MGMT: variants seen among roughly 807,000 people sequenced by gnomAD.
MGMT encodes the protein O-6-methylguanine-DNA methyltransferase.
Under a neutral mutation model 15.9 loss-of-function variants are expected in MGMT, and 14 were observed. The ratio of observed to expected loss-of-function variants is 0.88; its 90% CI spans 0.58 to 1.37. The LOEUF (loss-of-function observed/expected upper bound fraction) is 1.37. MGMT is among the 40% of genes most tolerant of loss of function. The pLI is 0.00. For missense variants in MGMT, 282 were observed against 268.1 expected, an observed-to-expected ratio of 1.05 and a Z score of -0.36; for synonymous variants, 130 against 118.2, an observed-to-expected ratio of 1.10 and a Z score of -0.65.
At chr10:129,723,942 C>T (rs1391638049) in intron 3 of MGMT, among the ~76,000 whole-genome samples, 2 of 152,204 alleles carry the variant, frequency 1.3e-5, no homozygotes, top group Admixed American at 1.3e-4. Context: ...AATGTTGTAA[C>T]CTCTTTGCAA....
intron 1 of MGMT, among the ~76,000 whole-genome samples, chr10:129,511,254 G>A (rs1845680457): frequency 6.7e-6 from 1 of 150,238 alleles, no homozygotes; most frequent in African/African-American, 2.5e-5. Context: ...CCGTATACCA[G>A]ACACAGGCAC....
chr10:129,534,939 A>G (rs1589854740), intron 1 of MGMT, among the ~76,000 whole-genome samples: 2 of 152,172 alleles, frequency 1.3e-5, no homozygotes, highest in Admixed American at 1.3e-4. Context: ...CTCTGTCACA[A>G]CTGCTCACCT....
chr10:129,718,428 C>T (rs536520869), intron 3 of MGMT, among the ~76,000 whole-genome samples: 3 of 152,206 alleles, frequency 2.0e-5, no homozygotes, highest in Non-Finnish European at 4.4e-5. Context: ...CACCCCCACC[C>T]TGGGCAAGTG....
intron 2 of MGMT, among the ~76,000 whole-genome samples, chr10:129,647,399 T>A (rs1452079680): frequency 6.6e-6 from 1 of 152,166 alleles, no homozygotes; most frequent in Non-Finnish European, 1.5e-5. Flanking sequence ...CCAGGTGGCG[T>A]GTGCTGGGAA....
intron 2 of MGMT, among the ~76,000 whole-genome samples, chr10:129,685,242 G>C (rs1847892517): frequency 6.6e-6 from 1 of 152,210 alleles, no homozygotes; most frequent in Admixed American, 6.5e-5. Context: ...AGCTTTAATG[G>C]GAGCATGTAA....
intron 3 of MGMT, among the ~76,000 whole-genome samples, chr10:129,711,520 C>T (rs1848232680): frequency 6.6e-6 from 1 of 152,188 alleles, no homozygotes; most frequent in South Asian, 2.1e-4. Context: ...CATTGTTCTG[C>T]TGAAGGGATT....
intron 2 of MGMT, among the ~76,000 whole-genome samples, chr10:129,608,958 C>T (rs755973723): frequency 6.6e-6 from 1 of 152,254 alleles, no homozygotes; most frequent in Non-Finnish European, 1.5e-5. Context: ...AGCATGCTTA[C>T]GCAGTACACT....
chr10:129,723,063 A>G (rs1848391747), intron 3 of MGMT, among the ~76,000 whole-genome samples: 2 of 149,194 alleles, frequency 1.3e-5, no homozygotes, highest in South Asian at 4.3e-4. Context: ...GAGCAACTGG[A>G]TATCCATTTT....
At chr10:129,539,931 T>A (rs1193559965) in intron 2 of MGMT, among the ~76,000 whole-genome samples, 1 of 152,278 alleles carries the variant, frequency 6.6e-6, no homozygotes, top group Non-Finnish European at 1.5e-5. Flanking sequence ...TGTAAATTTC[T>A]GCAATGATTC....
At chr10:129,649,544 A>G (rs1290733960) in intron 2 of MGMT, among the ~76,000 whole-genome samples, 1 of 152,218 alleles carries the variant, frequency 6.6e-6, no homozygotes, top group Non-Finnish European at 1.5e-5. Flanking sequence ...ATTCTGCTTT[A>G]TGGAAACTAT....
intron 2 of MGMT, among the ~76,000 whole-genome samples, chr10:129,550,334 CCGGCA>C (rs1846142534): frequency 7.0e-6 from 1 of 142,278 alleles, no homozygotes; most frequent in Non-Finnish European, 1.6e-5. Flanking sequence ...CCGCCCAGCA[CCGGCA>C]TGTTTCACAG....
At chr10:129,758,462 T>C (rs898269023) in intron 3 of MGMT, among the ~76,000 whole-genome samples, 1 of 151,452 alleles carries the variant, frequency 6.6e-6, no homozygotes, top group African/African-American at 2.4e-5. Flanking sequence ...CCCCAGTTTC[T>C]CTCCCACCGA....
At chr10:129,516,541 A>G (rs572472675) in intron 1 of MGMT, among the ~76,000 whole-genome samples, 62 of 152,354 alleles carry the variant, frequency 4.1e-4, no homozygotes, top group South Asian at 6.2e-4. Context: ...GTGAGCTGCT[A>G]TAGAAGCAGA....
intron 3 of MGMT, among the ~76,000 whole-genome samples, chr10:129,758,551 C>T (rs1278661072): frequency 6.6e-6 from 1 of 152,158 alleles, no homozygotes; most frequent in Non-Finnish European, 1.5e-5. Flanking sequence ...CTCATTCCTG[C>T]AGCAGGATGC....
At chr10:129,651,015 G>T (rs188540974) in intron 2 of MGMT, among the ~76,000 whole-genome samples, 79 of 152,310 alleles carry the variant, frequency 5.2e-4, no homozygotes, top group African/African-American at 1.9e-3. Context: ...CTGATCTGAA[G>T]ATCCGGCTGG....
At chr10:129,605,774 G>C (rs1846882133) in intron 2 of MGMT, among the ~76,000 whole-genome samples, 1 of 152,146 alleles carries the variant, frequency 6.6e-6, no homozygotes, top group Non-Finnish European at 1.5e-5. Flanking sequence ...TTGCGTATTA[G>C]CTTGGTCTTG....
chr10:129,563,889 T>TTCCACC lies in MGMT; in HGVS notation c.125+27517_125+27518insCTCCAC, dbSNP rs1231263952. ...CCTCAGTGCCCAGCAATGGAGAACT[T>TTCCACC]TCCACTGAGTATCCGCATGCAGCGT... On this transcript the variant is annotated intron_variant, in intron 2 of 4. Transcript: ENST00000651593. 2.6e-5 allele frequency: 4 copies of TTCCACC among 152,244 alleles called. No homozygotes were observed. The East Asian group carries it at 7.7e-4, about 29-fold the overall frequency. 9.4% of individuals were successfully genotyped at this position (152,244 alleles called of 1,614,324 possible).
At position 129,663,806 on chromosome 10, in the gene MGMT, CAG is replaced by C. The variant is rs145291356; in HGVS notation, c.126-44085_126-44084del. On this transcript the variant is annotated intron_variant, in intron 2 of 4. Transcript: ENST00000651593. The stretch of plus-strand genomic sequence containing the variant: ...AATAAACCAATTTACATGGAAGAAA[CAG>C]AGAACATTTTCAAAGAACTACCTCA... Among the ~76,000 whole-genome samples, 1,011 of 152,262 alleles carry C rather than the reference CAG, an allele frequency of 6.6e-3. 14 individuals carry two copies. The highest frequency in any genetic ancestry group is 0.023 in the African/African-American group (968 of 41,542).
Position 129,680,824 on chromosome 10 carries a change from C to T in MGMT, c.126-27071C>T, listed in dbSNP as rs76549409. Among the ~76,000 whole-genome samples, 1,088 of 152,296 alleles carry T rather than the reference C, an allele frequency of 7.1e-3. 13 individuals are homozygous for T. Among genetic ancestry groups the T allele is most frequent in the African/African-American group, 0.025 (1,032 of 41,568 alleles). ...CTTGTGCCCAGCGCCATCGCCACTC[C>T]GTGAGGGTAGATGTGGGTGCCGGCC... On this transcript the variant is annotated intron_variant, in intron 2 of 4. Coordinates refer to ENST00000651593, the MANE Select transcript of MGMT (RefSeq NM_002412.5).
Sources: allele counts gnomAD v4.1 joint callset (sites outside exome capture counted in the v4.1 genomes callset), GRCh38; gene constraint gnomAD v4.1.1; transcripts MANE v1.5; gene names NCBI Gene and HGNC (gene_info 2026-07-23, HGNC 2026-07-21).